Variants in SDK2 observed in about 807,000 individuals in gnomAD.
SDK2 encodes the protein sidekick cell adhesion molecule 2, also known as protein sidekick-2.
SDK2 carries 105 observed loss-of-function variants against 253.9 expected under a neutral mutation model. The observed-to-expected ratio is 0.41, with a 90% CI of 0.35 to 0.49. SDK2 has a LOEUF of 0.49. Among genes scored for constraint, SDK2 ranks in the 20% least tolerant of loss-of-function variants. SDK2 has a pLI of 0.06. For synonymous variants in SDK2, 1,249 were observed against 1,234.9 expected, an observed-to-expected ratio of 1.01 and a Z score of -0.24; for missense variants, 2,608 against 3,003.0, an observed-to-expected ratio of 0.87 and a Z score of 3.07.
intron 1 of SDK2, among the ~76,000 whole-genome samples, chr17:73,619,292 CA>C (rs1160090603): frequency 3.3e-5 from 5 of 151,780 alleles, no homozygotes; most frequent in African/African-American, 4.8e-5. Context: ...TTTTTTATAG[CA>C]AAACTTGAGG....
chr17:73,614,137 A>T (rs1283470252), intron 1 of SDK2, among the ~76,000 whole-genome samples: 1 of 129,110 alleles, frequency 7.7e-6, no homozygotes, highest in East Asian at 2.2e-4. Context: ...GCTGTACTTC[A>T]TACTCAGCTG....
At chr17:73,358,248 C>G (rs777072226) in intron 39 of SDK2, 44 bp from the exon 40 acceptor site, 2 of 1,551,010 alleles carry the variant, frequency 1.3e-6, no homozygotes, top group Non-Finnish European at 1.7e-6. Flanking sequence ...GAACCCAGAA[C>G]AGCCACCCAG....
chr17:73,395,585 T>C lies in SDK2; in HGVS notation c.3355-193A>G, dbSNP rs1200417070. On this transcript the variant is annotated intron_variant, in intron 24 of 44. Transcript: ENST00000392650. The surrounding 1 kb of genome is among the most constrained non-coding windows in gnomAD (Gnocchi z 4.3). ...TGTGACTGTGTTTCTGATGGGCTCT[T>C]ATCTTCCTGCAGGGAGGACAGAGAA... 6.6e-6 allele frequency among the ~76,000 whole-genome samples: 1 copy of C among 152,206 alleles called. No individual in the cohort carries two copies. The highest frequency in any genetic ancestry group is 1.5e-5 in the Non-Finnish European group (1 of 68,032).
chr17:73,394,258 C>T lies in SDK2; in HGVS notation c.3659G>A (p.Trp1220Ter), dbSNP rs1296061486. ...GCGATCAGCCTCGGGGACCTCGCTCCAGCGCACCAGCATGCTGCTGGAGGT... is the reference window on the plus strand; with the variant it reads ...GCGATCAGCCTCGGGGACCTCGCTCTAGCGCACCAGCATGCTGCTGGAGGT... ...ATTSSSMLVR[W>*]SEVPEADRNG... The change falls in exon 26 of 45, where the codon TGG becomes TAG. Residue 1220 changes from tryptophan (W) to a stop codon, truncating the protein, a stop_gained. Transcript: ENST00000392650. LOFTEE classifies it high-confidence loss of function. The T allele has an allele frequency of 6.2e-7, 1 of 1,602,848 alleles. No homozygotes were observed. The highest frequency in any genetic ancestry group is 8.5e-7 in the Non-Finnish European group (1 of 1,172,612).
At chr17:73,529,914 G>C (rs1284937071) in intron 1 of SDK2, among the ~76,000 whole-genome samples, 2 of 152,190 alleles carry the variant, frequency 1.3e-5, no homozygotes, top group African/African-American at 2.4e-5. Flanking sequence ...GGCAGCCACA[G>C]GAAACACATA....
At chr17:73,510,210 T>A (rs1196608749) in intron 1 of SDK2, among the ~76,000 whole-genome samples, 1 of 152,070 alleles carries the variant, frequency 6.6e-6, no homozygotes, top group South Asian at 2.1e-4. Context: ...CAGGTAGAGA[T>A]TCACAACTTA....
At chr17:73,408,610 G>A (rs2063100627) in intron 18 of SDK2, among the ~76,000 whole-genome samples, 1 of 152,122 alleles carries the variant, frequency 6.6e-6, no homozygotes, top group African/African-American at 2.4e-5. Context: ...TATATTGTTT[G>A]GAGGAATGCA....
At chr17:73,398,893 A>C (rs2062994755) in intron 22 of SDK2, among the ~76,000 whole-genome samples, 1 of 152,192 alleles carries the variant, frequency 6.6e-6, no homozygotes, top group South Asian at 2.1e-4. Flanking sequence ...GGGTACAGCC[A>C]AGGCGGATAT....
At chr17:73,472,861 A>G (rs9912677) in intron 2 of SDK2, among the ~76,000 whole-genome samples, 137,929 of 152,102 alleles carry the variant, frequency 0.91, 62,628 homozygotes, top group East Asian at 0.98. Context: ...TTATAATGGG[A>G]AGTTTCCCTG....
intron 1 of SDK2, among the ~76,000 whole-genome samples, chr17:73,581,100 C>G (rs1054939205): frequency 6.6e-6 from 1 of 151,896 alleles, no homozygotes; most frequent in Non-Finnish European, 1.5e-5. Context: ...AGGTGGGTCT[C>G]CAACTCCTGA....
At chr17:73,501,777 C>T (rs1336554155) in intron 2 of SDK2, among the ~76,000 whole-genome samples, 1 of 152,168 alleles carries the variant, frequency 6.6e-6, no homozygotes, top group Non-Finnish European at 1.5e-5. Context: ...CTAACAGGTA[C>T]CATTCATGTC....
rs1181647945 is a variant in SDK2 at position 73,467,992 on chromosome 17, CTGGGCAGCACAGCA to C, written c.331+4106_331+4119del. On this transcript the variant is annotated intron_variant, in intron 3 of 44. Transcript: ENST00000392650. This position sits in a 1 kb window ranked among gnomAD's most constrained non-coding sequence, Gnocchi z 4.1. ...AGGGGCCTTACCCATATGTGCACAGCTGGGCAGCACAGCATGGTCCTGGTGGAACGCAGCAACAT... is the reference window on the plus strand; with the variant it reads ...AGGGGCCTTACCCATATGTGCACAGCTGGTCCTGGTGGAACGCAGCAACAT... Among the ~76,000 whole-genome samples the C allele has an allele frequency of 6.6e-6, 1 of 152,202 alleles. No individual in the cohort carries two copies. Among genetic ancestry groups the C allele is most frequent in the Non-Finnish European group, 1.5e-5 (1 of 68,028 alleles).
At chr17:73,482,803 C>G (rs1222735447) in intron 2 of SDK2, among the ~76,000 whole-genome samples, 1 of 152,232 alleles carries the variant, frequency 6.6e-6, no homozygotes, top group African/African-American at 2.4e-5. Flanking sequence ...ACGGCTACTC[C>G]TCCTGGGTGA....
At chr17:73,375,978 G>C (rs1198787356) in intron 36 of SDK2, among the ~76,000 whole-genome samples, 3 of 151,244 alleles carry the variant, frequency 2.0e-5, no homozygotes, top group African/African-American at 7.3e-5. Flanking sequence ...GGTGGATCAC[G>C]AAGTCAAGAG....
At chr17:73,342,796 T>G (rs184012416) in intron 44 of SDK2, among the ~76,000 whole-genome samples, 1 of 152,080 alleles carries the variant, frequency 6.6e-6, no homozygotes, top group African/African-American at 2.4e-5. Flanking sequence ...TCAGCCTCAG[T>G]GTCCTTGTCT....
intron 1 of SDK2, among the ~76,000 whole-genome samples, chr17:73,548,718 T>A (rs920727946): frequency 5.9e-5 from 9 of 152,060 alleles, no homozygotes; most frequent in Non-Finnish European, 1.5e-5. Context: ...CACTGCCCAG[T>A]CCTTGCACAC....
At chr17:73,458,455 C>T (rs186272334) in intron 3 of SDK2, among the ~76,000 whole-genome samples, 4 of 152,336 alleles carry the variant, frequency 2.6e-5, no homozygotes, top group Non-Finnish European at 4.4e-5. Context: ...GTCACACAAT[C>T]GTTTGAGAAT....
At chr17:73,394,176 AG>A in intron 26 of SDK2, 32 bp downstream of exon 26, 2 of 1,368,100 alleles carry the variant, frequency 1.5e-6, no homozygotes, top group Non-Finnish European at 9.9e-7. Flanking sequence ...GGGCCAGTGT[AG>A]GGACCCCACC....
At chr17:73,408,218 ATTT>A (rs1315820128) in intron 18 of SDK2, among the ~76,000 whole-genome samples, 4 of 129,548 alleles carry the variant, frequency 3.1e-5, no homozygotes, top group Non-Finnish European at 4.9e-5. Flanking sequence ...CACCTGGCTA[ATTT>A]TTTTTTTTTT....
Sources: gnomAD v4.1 joint callset for allele counts (sites outside exome capture counted in the v4.1 genomes callset) on GRCh38, gnomAD v4.1.1 for gene constraint, Gnocchi (gnomAD v3.1) non-coding constraint, MANE v1.5 for transcripts, NCBI Gene and HGNC (gene_info 2026-07-23, HGNC 2026-07-21) for gene names.